The following ABCA12 variants were observed in gnomAD, a reference collection of about 807,000 sequenced individuals.
ABCA12 encodes the protein glucosylceramide transporter ABCA12.
Under a neutral mutation model 293.5 loss-of-function variants are expected in ABCA12, and 156 were observed. The ratio of observed to expected loss-of-function variants is 0.53; its 90% CI spans 0.47 to 0.61. The LOEUF (loss-of-function observed/expected upper bound fraction) is 0.61, where lower values mean the gene tolerates loss of function less well. Among genes scored for constraint, ABCA12 ranks in the 20% least tolerant of loss-of-function variants. The pLI, the probability that ABCA12 is intolerant of heterozygous loss-of-function variation, is 0.00. For missense variants in ABCA12, 2,797 were observed against 3,090.2 expected (o/e 0.91, Z 2.25); for synonymous variants, 1,063 against 1,108.0 (o/e 0.96, Z 0.81).
intron 11 of ABCA12, chr2:215,023,066 C>T (rs1435546950): frequency 5.3e-5 from 8 of 152,178 alleles, no homozygotes. Flanking sequence ...TGCCAGGGTT[C>T]ACCACTATCT....
chr2:215,125,905 C>T (rs993977865), intron 1 of ABCA12, among the ~76,000 whole-genome samples: 2 of 152,100 alleles, frequency 1.3e-5, no homozygotes, highest in African/African-American at 4.8e-5. Flanking sequence ...AACTTTTCCC[C>T]ATTCAGTATT....
rs1699567984 is a variant in ABCA12, at chr2:214,978,337, T to C, written c.5107A>G (p.Ser1703Gly). 6.2e-7 allele frequency: 1 copy of C among 1,613,974 alleles called. No homozygotes were observed. The highest frequency in any genetic ancestry group is 1.3e-5 in the African/African-American group (1 of 74,934). The change falls in exon 33 of 53, where the codon AGC (serine) becomes GGC (glycine). Residue 1703 changes from serine to glycine, a missense_variant. Physicochemically the swap from Ser to Gly is moderately conservative, Grantham distance 56. Coordinates refer to ENST00000272895, the MANE Select transcript of ABCA12 (RefSeq NM_173076.3). ...ATACCATCTCTGTCTGTGAAATTGC[T>C]GCTGCTCACAGATAAATCGTCAGGA... ...STPDDLSVSS[S>G]NFTDRDDKIL...
intron 52 of ABCA12, among the ~76,000 whole-genome samples, chr2:214,933,022 TGA>T (rs1384339706): frequency 6.6e-6 from 1 of 152,148 alleles, no homozygotes; most frequent in Non-Finnish European, 1.5e-5. Context: ...AAGCCATAGT[TGA>T]CTATCTGTAG....
chr2:215,109,064 CAA>C (rs1248025447), intron 2 of ABCA12, among the ~76,000 whole-genome samples: 7 of 136,344 alleles, frequency 5.1e-5, no homozygotes, highest in Non-Finnish European at 3.2e-5. Flanking sequence ...AAGACTGTCT[CAA>C]AAAAAAAAAA....
intron 29 of ABCA12, among the ~76,000 whole-genome samples, chr2:214,983,357 A>G (rs1699711603): frequency 6.6e-6 from 1 of 152,104 alleles, no homozygotes. Flanking sequence ...AAATCCAAGA[A>G]TCCACTTAGG....
intron 26 of ABCA12, among the ~76,000 whole-genome samples, chr2:214,988,160 A>G (rs975397989): frequency 2.0e-5 from 3 of 152,192 alleles, no homozygotes; most frequent in Admixed American, 2.0e-4. Flanking sequence ...AATCCCCACA[A>G]GGGTCCAAAC....
intron 39 of ABCA12, chr2:214,960,443 C>T (rs1699080289): frequency 6.6e-6 from 1 of 152,060 alleles, no homozygotes; most frequent in African/African-American, 2.4e-5. Context: ...ATACATTTTA[C>T]TCCACTATGC....
intron 2 of ABCA12, among the ~76,000 whole-genome samples, chr2:215,069,475 T>C (rs2050743709): frequency 6.6e-6 from 1 of 152,108 alleles, no homozygotes; most frequent in Admixed American, 6.6e-5. Flanking sequence ...TTATTAACGT[T>C]TTTTTTTAAA....
At chr2:215,081,963 G>A (rs1701950900) in intron 2 of ABCA12, among the ~76,000 whole-genome samples, 1 of 151,160 alleles carries the variant, frequency 6.6e-6, no homozygotes, top group South Asian at 2.1e-4. Context: ...TACACACACT[G>A]TATTGACCTC....
At chr2:215,068,927 T>C (rs1701684614) in intron 2 of ABCA12, among the ~76,000 whole-genome samples, 1 of 152,190 alleles carries the variant, frequency 6.6e-6, no homozygotes, top group South Asian at 2.1e-4. Flanking sequence ...TTGCAGAAAG[T>C]TATGCCATGG....
intron 7 of ABCA12, among the ~76,000 whole-genome samples, chr2:215,041,190 G>A (rs1007456280): frequency 6.6e-6 from 1 of 152,002 alleles, no homozygotes; most frequent in African/African-American, 2.4e-5. Context: ...TACAATTTTT[G>A]TCAGTTAAAA....
intron 2 of ABCA12, among the ~76,000 whole-genome samples, chr2:215,105,578 GACACAC>G (rs747604210): frequency 7.0e-6 from 1 of 142,728 alleles, no homozygotes; most frequent in Non-Finnish European, 1.5e-5. Context: ...AGGGCTTCAA[GACACAC>G]ACACACACAC....
chr2:215,134,334 A>ATATATATGTATATGTG (rs1389972121), intron 1 of ABCA12, among the ~76,000 whole-genome samples: 3 of 144,174 alleles, frequency 2.1e-5, no homozygotes, highest in South Asian at 2.2e-4. Context: ...ATATATGTAC[A>ATATATATGTATATGTG]TATATATGTA....
chr2:215,002,562 T>G (rs923412167), intron 20 of ABCA12, among the ~76,000 whole-genome samples: 2 of 152,160 alleles, frequency 1.3e-5, no homozygotes, highest in Non-Finnish European at 2.9e-5. Context: ...CCCAGACATG[T>G]CTCTTACATC....
At chr2:215,042,086 T>C (rs1213523335) in intron 7 of ABCA12, among the ~76,000 whole-genome samples, 2 of 152,236 alleles carry the variant, frequency 1.3e-5, no homozygotes, top group Non-Finnish European at 2.9e-5. Context: ...ATGAATAAGC[T>C]CTAGAGATCT....
chr2:215,033,798 G>A (rs568716021), intron 8 of ABCA12, among the ~76,000 whole-genome samples: 55 of 151,956 alleles, frequency 3.6e-4, no homozygotes, highest in Middle Eastern at 6.8e-3. Context: ...AAAATTAGCC[G>A]GGCGTGGTAG....
chr2:215,076,724 C>T (rs6716199), intron 2 of ABCA12, among the ~76,000 whole-genome samples: 1,676 of 152,168 alleles, frequency 0.011, 43 homozygotes, highest in African/African-American at 0.038. Flanking sequence ...AAGTGTTCAT[C>T]AAAAGACCAC....
intron 2 of ABCA12, among the ~76,000 whole-genome samples, chr2:215,095,284 A>T (rs1702227852): frequency 6.6e-6 from 1 of 151,662 alleles, no homozygotes; most frequent in Admixed American, 6.6e-5. Flanking sequence ...ATTACACCAA[A>T]CCCCCTTGGG....
intron 1 of ABCA12, among the ~76,000 whole-genome samples, chr2:215,112,495 T>TG (rs375582114): frequency 0.14 from 6,619 of 47,668 alleles, 216 homozygotes; most frequent in Non-Finnish European, 0.24. Flanking sequence ...TGTTTTTTTT[T>TG]TGTTTTTTTT....
Sources: gnomAD v4.1 joint callset for allele counts (sites outside exome capture counted in the v4.1 genomes callset) on GRCh38, gnomAD v4.1.1 for gene constraint, MANE v1.5 for transcripts, NCBI Gene and HGNC (gene_info 2026-07-23, HGNC 2026-07-21) for gene names.